TRPM5: variants seen among roughly 807,000 people sequenced by gnomAD.
The protein encoded by TRPM5 is transient receptor potential cation channel subfamily M member 5.
A neutral mutation model predicts 124.9 loss-of-function variants in TRPM5; 121 were observed. The ratio of observed to expected loss-of-function variants is 0.97; its 90% confidence interval spans 0.84 to 1.13. The LOEUF (loss-of-function observed/expected upper bound fraction) is 1.13, where lower values mean the gene tolerates loss of function less well. Ranked by LOEUF, TRPM5 falls within the 50% of genes most tolerant of loss-of-function variation. The pLI, the probability that TRPM5 is intolerant of heterozygous loss-of-function variation, is 0.00. For synonymous variants in TRPM5, 781 were observed against 700.5 expected (o/e 1.11, Z -1.81); for missense variants, 1,643 against 1,589.1 (o/e 1.03, Z -0.58).
At chr11:2,424,931 G>A (rs897335750), upstream of TRPM5, among the ~76,000 whole-genome samples, 5 of 152,186 alleles carry the variant, frequency 3.3e-5, no homozygotes, top group African/African-American at 7.2e-5. Flanking sequence ...CTGTGGAGGC[G>A]CCCTGATGCC....
exon 15 of TRPM5, chr11:2,412,962 C>G (rs200307538): frequency 7.5e-6 from 12 of 1,605,940 alleles, no homozygotes; most frequent in Admixed American, 1.7e-5. Flanking sequence ...GAAGACAGCA[C>G]GTGGGCCTCG....
rs573738424 is a variant in TRPM5, at chr11:2,410,853, G to A, written c.2782+499C>T. Among the ~76,000 whole-genome samples, 16 of 152,224 alleles carry A rather than the reference G, an allele frequency of 1.1e-4. 1 individual carries two copies. Among genetic ancestry groups the A allele is most frequent in the Admixed American group, 3.9e-4 (6 of 15,302 alleles). On this transcript the variant is annotated intron_variant, in intron 18 of 23. Coordinates refer to ENST00000155858, the Ensembl canonical transcript of TRPM5. Reference sequence around the variant, plus strand: ...GGCGAAGGGGCCTTGCCAGCAGGACGGCGTAGGGGCTCTGGTGGGTGCCCT... The same window carrying A: ...GGCGAAGGGGCCTTGCCAGCAGGACAGCGTAGGGGCTCTGGTGGGTGCCCT...
At chr11:2,443,823 A>ACCCCCCCCC in the TRPM5 span, among the ~76,000 whole-genome samples, 1 of 99,306 alleles carries the variant, frequency 1.0e-5, no homozygotes. This position sits in a 1 kb window ranked among gnomAD's most constrained non-coding sequence, Gnocchi z 5.0. Flanking sequence ...GCTGCCCCCC[A>ACCCCCCCCC]CCCCCCCCCC....
At chr11:2,423,347 C>T (rs1001264385), upstream of TRPM5, among the ~76,000 whole-genome samples, 1 of 152,218 alleles carries the variant, frequency 6.6e-6, no homozygotes, top group African/African-American at 2.4e-5. Flanking sequence ...ACTCACCCCA[C>T]TCAGGGCACC....
chr11:2,410,021 C>T (rs750348469), intron 18 of TRPM5, among the ~76,000 whole-genome samples: 109 of 152,336 alleles, frequency 7.2e-4, no homozygotes, highest in Non-Finnish European at 1.3e-3. Context: ...TGGCTGGAGG[C>T]GCCCGTCTAG....
the TRPM5 span, among the ~76,000 whole-genome samples, chr11:2,428,915 G>C: frequency 7.1e-6 from 1 of 140,886 alleles, no homozygotes; most frequent in African/African-American, 2.8e-5. This position sits in a 1 kb window ranked among gnomAD's most constrained non-coding sequence, Gnocchi z 4.0. Context: ...GTTGGTATTG[G>C]TGTTGGTGAT....
chr11:2,407,999 C>T (rs1850359056), intron 18 of TRPM5, 87 bp from the exon 24 acceptor site: 13 of 1,522,284 alleles, frequency 8.5e-6, no homozygotes, highest in Admixed American at 1.9e-5. Context: ...AGCGCTGAGT[C>T]CTGGTGTTGA....
At chr11:2,421,074 C>T (rs748284283) in exon 3 of TRPM5, 8 of 1,549,214 alleles carry the variant, frequency 5.2e-6, no homozygotes, top group Non-Finnish European at 5.2e-6. Flanking sequence ...CGCGGCCCAG[C>T]GAGGCCATGC....
rs752349304 is a variant in TRPM5, at chr11:2,418,209, G to C, written c.864C>G (p.Ser288Arg). 7 of 1,584,508 alleles carry C rather than the reference G, an allele frequency of 4.4e-6. No homozygotes were observed. The South Asian group carries it at 8.0e-5, about 18-fold the overall frequency. The change falls in exon 6 of 24, where the codon AGC becomes AGG. Residue 288 changes from serine to arginine, a missense_variant. Physicochemically the swap from Ser to Arg is moderately radical, Grantham distance 110 (BLOSUM62 -1). Coordinates refer to ENST00000155858, the Ensembl canonical transcript of TRPM5. ...CGATGTCCTCCCAAGAGAAATGCTTGCTGGGGAACTTCTCCTTAAACTGCT... is the reference window on the plus strand; with the variant it reads ...CGATGTCCTCCCAAGAGAAATGCTTCCTGGGGAACTTCTCCTTAAACTGCT...
At chr11:2,428,431 C>A in the TRPM5 span, among the ~76,000 whole-genome samples, 1 of 152,020 alleles carries the variant, frequency 6.6e-6, no homozygotes, top group East Asian at 1.9e-4. This position sits in a 1 kb window ranked among gnomAD's most constrained non-coding sequence, Gnocchi z 4.0. Context: ...GTGGTGGTAA[C>A]GGGTGAAGGT....
chr11:2,424,994 G>A (rs984504097), upstream of TRPM5, among the ~76,000 whole-genome samples: 4 of 152,164 alleles, frequency 2.6e-5, no homozygotes, highest in East Asian at 1.9e-4. Flanking sequence ...AAATCCTCCC[G>A]CACTTCTGCC....
chr11:2,425,973 CT>C (rs1845837362), upstream of TRPM5, among the ~76,000 whole-genome samples: 1 of 152,174 alleles, frequency 6.6e-6, no homozygotes, highest in African/African-American at 2.4e-5. Flanking sequence ...CTCCCTGGCC[CT>C]TGAATTGCTT....
chr11:2,414,482 G>T (rs1303731866), intron 11 of TRPM5, among the ~76,000 whole-genome samples: 1 of 152,308 alleles, frequency 6.6e-6, no homozygotes, highest in African/African-American at 2.4e-5. Flanking sequence ...GTATGCCCGG[G>T]GTGTGAGGCT....
At position 2,412,916 on chromosome 11, in the gene TRPM5, G is replaced by A. The variant is rs372338901; in HGVS notation, c.2193C>T (p.Pro731=). ...CCACGTTCCCCAGGAACACAGTCAC[G>A]GGAGCGCCCCAGAATTTCCGCCAGC... The change falls in exon 15 of 24, where the codon CCC becomes CCT. Residue 731 remains proline, a synonymous_variant. Coordinates refer to ENST00000155858, the Ensembl canonical transcript of TRPM5. 1.9e-5 allele frequency: 30 copies of A among 1,599,090 alleles called. No homozygotes were observed. The African/African-American group carries it at 2.4e-4, about 13-fold the overall frequency.
chr11:2,413,416 G>A (rs1850494647), intron 13 of TRPM5, 60 bp downstream of exon 18: 13 of 1,494,686 alleles, frequency 8.7e-6, no homozygotes, highest in South Asian at 1.2e-5. Flanking sequence ...GGCCCTCCCC[G>A]TAGCTCCGGC....
At chr11:2,419,639 AAC>A (rs1845738084) in intron 4 of TRPM5, among the ~76,000 whole-genome samples, 3 of 147,358 alleles carry the variant, frequency 2.0e-5, no homozygotes, top group African/African-American at 5.0e-5. Context: ...AAAAAAAAAA[AAC>A]AGAGGGCTCA....
chr11:2,406,919 G>T, intron 20 of TRPM5, 126 bp from the exon 26 acceptor site: 1 of 1,418,594 alleles, frequency 7.0e-7, no homozygotes, highest in Non-Finnish European at 9.4e-7. Flanking sequence ...AGGGATGGAG[G>T]GCAAGCATGG....
chr11:2,440,258 C>A, the TRPM5 span, among the ~76,000 whole-genome samples: 41 of 152,028 alleles, frequency 2.7e-4, no homozygotes, highest in Admixed American at 7.2e-4. The surrounding 1 kb of genome is among the most constrained non-coding windows in gnomAD (Gnocchi z 5.2). Flanking sequence ...TCATCCATAC[C>A]CCAAACCTCA....
chr11:2,405,407 T>G (rs902614834), intron 23 of TRPM5, 120 bp downstream of exon 28: 23 of 1,083,072 alleles, frequency 2.1e-5, no homozygotes, highest in Middle Eastern at 2.6e-4. Flanking sequence ...AGCCAAGGCC[T>G]CCTGAGACTC....
Sources: allele counts gnomAD v4.1 joint callset (sites outside exome capture counted in the v4.1 genomes callset), GRCh38; gene constraint gnomAD v4.1.1; non-coding constraint Gnocchi (gnomAD v3.1); transcripts MANE v1.5; gene names NCBI Gene and HGNC (gene_info 2026-07-23, HGNC 2026-07-21).